The following ZNF503 variants were observed in gnomAD, a reference collection of about 807,000 sequenced individuals.
ZNF503 encodes the protein NocA-like zinc finger 2.
Under a neutral mutation model 34.4 loss-of-function variants are expected in ZNF503, and 15 were observed. The observed-to-expected ratio is 0.44, with a 90% CI of 0.29 to 0.67. The LOEUF (loss-of-function observed/expected upper bound fraction) is 0.67, where lower values mean the gene tolerates loss of function less well. Among genes scored for constraint, ZNF503 ranks in the 30% least tolerant of loss-of-function variants. ZNF503 has a pLI of 0.13. For missense variants in ZNF503, 1,007 were observed against 926.8 expected, an observed-to-expected ratio of 1.09 and a Z score of -1.12; for synonymous variants, 580 against 456.8, an observed-to-expected ratio of 1.27 and a Z score of -3.44.
the ZNF503 span, chr10:75,359,099 TA>T: frequency 3.9e-5 from 6 of 152,356 alleles, no homozygotes; most frequent in East Asian, 1.2e-3. Context: ...CCACATACCC[TA>T]GCTCATAAAT....
At position 75,399,928 on chromosome 10, in the gene ZNF503, G is replaced by T; in HGVS notation, c.762C>A (p.Asp254Glu). Residue 254 changes from aspartate (D) to glutamate (E), a missense_variant, in exon 2 of 2, where the codon GAC becomes GAA. Coordinates refer to ENST00000372524, the MANE Select transcript of ZNF503 (RefSeq NM_032772.6). ...SAGGAPEGKD[D>E]KKDTDVGGGG... ...CGCCGCCCACGTCGGTGTCTTTCTT[G>T]TCGTCCTTGCCCTCCGGGGCACCCC... 1.2e-6 allele frequency: 2 copies of T among 1,606,328 alleles called. No individual in the cohort carries two copies. The highest frequency in any genetic ancestry group is 2.2e-5 in the East Asian group (1 of 44,786).
chr10:75,345,727 TA>T, the ZNF503 span, among the ~76,000 whole-genome samples: 1 of 147,410 alleles, frequency 6.8e-6, no homozygotes, highest in African/African-American at 2.5e-5. Flanking sequence ...GGAGTGGGAA[TA>T]GGTGAGCCAA....
rs1193100347 is a variant in ZNF503, at chr10:75,398,732, C to T, written c.*17G>A. On this transcript the variant is annotated 3_prime_UTR_variant, in exon 2 of 2. Coordinates refer to ENST00000372524, the MANE Select transcript of ZNF503 (RefSeq NM_032772.6). The stretch of plus-strand genomic sequence containing the variant: ...CCCCCTCTCCCTCCTCTCCCTCGCT[C>T]GCCCTCCCGGCCGCCCTCACTGATA... 2.2e-6 allele frequency: 3 copies of T among 1,364,394 alleles called. No individual in the cohort carries two copies. Among genetic ancestry groups the T allele is most frequent in the South Asian group, 2.0e-5 (1 of 50,370 alleles). 84.5% of individuals were successfully genotyped at this position (1,364,394 alleles called of 1,614,324 possible).
Position 75,399,720 on chromosome 10 carries a change from T to TGGGGCCGGAGCC in ZNF503, c.958_969dup (p.Gly320_Pro323dup), listed in dbSNP as rs753240624. The TGGGGCCGGAGCC allele has an allele frequency of 6.3e-7, 1 of 1,597,656 alleles. No individual in the cohort carries two copies. Among genetic ancestry groups the TGGGGCCGGAGCC allele is most frequent in the Non-Finnish European group, 8.5e-7 (1 of 1,177,646 alleles). ...AACACTGAGGAGGAGGTGGGCGCGC[T>TGGGGCCGGAGCC]GGGGCCGGAGCCGGAGCTGGAGCCC... On this transcript the variant is annotated inframe_insertion, in exon 2 of 2. Coordinates refer to ENST00000372524, the MANE Select transcript of ZNF503 (RefSeq NM_032772.6).
chr10:75,317,073 C>G, the ZNF503 span, among the ~76,000 whole-genome samples: 3 of 152,140 alleles, frequency 2.0e-5, no homozygotes, highest in African/African-American at 7.2e-5. Flanking sequence ...TCCCTAGTAG[C>G]TGGGACTACA....
downstream of ZNF503, among the ~76,000 whole-genome samples, chr10:75,394,113 G>A (rs375701064): frequency 7.9e-5 from 12 of 152,150 alleles, no homozygotes; most frequent in East Asian, 9.6e-4. Flanking sequence ...CTGTCTTTCC[G>A]CTGCTGAGCC....
chr10:75,314,250 A>AG, the ZNF503 span, among the ~76,000 whole-genome samples: 1 of 150,470 alleles, frequency 6.6e-6, no homozygotes, highest in Non-Finnish European at 1.5e-5. Context: ...AAAAAAAAAA[A>AG]AAAAAAAGAA....
the ZNF503 span, among the ~76,000 whole-genome samples, chr10:75,349,551 G>A: frequency 6.6e-6 from 1 of 152,200 alleles, no homozygotes; most frequent in African/African-American, 2.4e-5. Flanking sequence ...TGCAGATGAG[G>A]TAACAGAGGC....
At chr10:75,365,514 A>G in the ZNF503 span, among the ~76,000 whole-genome samples, 1 of 152,216 alleles carries the variant, frequency 6.6e-6, no homozygotes, top group Non-Finnish European at 1.5e-5. Flanking sequence ...TGGAAAGTCA[A>G]TTTTTAAATG....
chr10:75,376,515 G>A, the ZNF503 span, among the ~76,000 whole-genome samples: 4,125 of 152,128 alleles, frequency 0.027, 170 homozygotes, highest in African/African-American at 0.094. Context: ...GTGGTGGCAC[G>A]CACCTGTATT....
In ZNF503 at chr10:75,401,149, C is replaced by T. The variant is rs1182520771; in HGVS notation, c.271G>A (p.Glu91Lys). The part of the protein sequence containing the change: ...TARTGHILHP[E>K]YLQPLPSTPV... ...GTGGAAGGCAGGGGCTGCAGGTACTCGGGGTGCAAAATGTGGCCAGTTCGT... is the reference window on the plus strand; with the variant it reads ...GTGGAAGGCAGGGGCTGCAGGTACTTGGGGTGCAAAATGTGGCCAGTTCGT... Residue 91 changes from glutamate (E) to lysine (K), a missense_variant, in exon 1 of 2, where the codon GAG becomes AAG. By Grantham distance (56) the Glu-to-Lys change is moderately conservative (BLOSUM62 1). Transcript: ENST00000372524. The T allele has an allele frequency of 1.2e-6, 2 of 1,612,116 alleles. No homozygotes were observed. The highest frequency in any genetic ancestry group is 1.3e-5 in the African/African-American group (1 of 74,868).
chr10:75,360,763 C>T, the ZNF503 span: 1 of 152,254 alleles, frequency 6.6e-6, no homozygotes, highest in East Asian at 1.9e-4. Context: ...CAACCTACAG[C>T]ATCCAAGCAC....
the ZNF503 span, among the ~76,000 whole-genome samples, chr10:75,307,439 G>C: frequency 6.6e-6 from 1 of 152,208 alleles, no homozygotes. Flanking sequence ...AGCCAGGAGA[G>C]GCTGGCTCAT....
rs770954348 is a variant in ZNF503, at chr10:75,400,333, T to C, written c.357A>G (p.Thr119=). Residue 119 remains threonine, a synonymous_variant, in exon 2 of 2, where the codon ACA becomes ACG. Coordinates refer to ENST00000372524, the MANE Select transcript of ZNF503 (RefSeq NM_032772.6). ...GGTCGGGCTTCCCGATCTGCGAACATGTTTGCGCCAACAGCGCCAGCGGGC... is the reference window on the plus strand; with the variant it reads ...GGTCGGGCTTCCCGATCTGCGAACACGTTTGCGCCAACAGCGCCAGCGGGC... The part of the protein sequence containing the change: ...KKSPLALLAQ[T]CSQIGKPDPS... The C allele has an allele frequency of 6.2e-7, 1 of 1,611,470 alleles. No homozygotes were observed. Among genetic ancestry groups the C allele is most frequent in the Admixed American group, 1.7e-5 (1 of 59,926 alleles).
At chr10:75,287,976 G>A in the ZNF503 span, among the ~76,000 whole-genome samples, 1 of 152,204 alleles carries the variant, frequency 6.6e-6, no homozygotes, top group Admixed American at 6.5e-5. Context: ...TAGATATGGT[G>A]TTGTCCAGAG....
chr10:75,398,548 G>T lies in ZNF503; in HGVS notation c.*201C>A, dbSNP rs1843731767. ...TTTTATAAAGTTTGGGTGGGGAGGTGAAAGTGGGGAGAAGGGGAGTGTCCC... is the reference window on the plus strand; with the variant it reads ...TTTTATAAAGTTTGGGTGGGGAGGTTAAAGTGGGGAGAAGGGGAGTGTCCC... On this transcript the variant is annotated 3_prime_UTR_variant, in exon 2 of 2. Transcript: ENST00000372524. 7.2e-6 allele frequency: 3 copies of T among 416,398 alleles called. No homozygotes were observed. The highest frequency in any genetic ancestry group is 2.7e-4 in the South Asian group (2 of 7,466). The allele number at this position is 416,398 out of a possible 1,614,324, so 25.8% of individuals were successfully genotyped here.
At chr10:75,287,135 G>A in the ZNF503 span, among the ~76,000 whole-genome samples, 9 of 152,064 alleles carry the variant, frequency 5.9e-5, no homozygotes, top group African/African-American at 1.9e-4. Flanking sequence ...GGTCAGAAGT[G>A]CCCTCTGCAT....
chr10:75,401,709 C>T lies in ZNF503; in HGVS notation c.-290G>A, dbSNP rs12780400. 3 of 409,324 alleles carry T rather than the reference C, an allele frequency of 7.3e-6. No homozygotes were observed. The highest frequency in any genetic ancestry group is 2.1e-5 in the African/African-American group (1 of 46,522). The allele number at this position is 409,324 out of a possible 1,614,324, so 25.4% of individuals were successfully genotyped here. ...CTCCCCTGCGCTGCGTTCTCGCGGC[C>T]CCGCGCCGGCGCTGCGCTCTGCGAT... On this transcript the variant is annotated 5_prime_UTR_variant, in exon 1 of 2. Coordinates refer to ENST00000372524, the MANE Select transcript of ZNF503 (RefSeq NM_032772.6).
chr10:75,365,022 C>T, the ZNF503 span, among the ~76,000 whole-genome samples: 1 of 152,190 alleles, frequency 6.6e-6, no homozygotes, highest in East Asian at 1.9e-4. Context: ...TGCGCATTCC[C>T]GAGGCAGAGT....
Sources: allele counts gnomAD v4.1 joint callset (sites outside exome capture counted in the v4.1 genomes callset), GRCh38; gene constraint gnomAD v4.1.1; transcripts MANE v1.5; gene names NCBI Gene and HGNC (gene_info 2026-07-23, HGNC 2026-07-21).